Variants in SLC18B1 observed in about 807,000 individuals in gnomAD.
SLC18B1 encodes the protein MFS-type transporter SLC18B1.
A neutral mutation model predicts 53.9 loss-of-function variants in SLC18B1; 62 were observed. The ratio of observed to expected loss-of-function variants is 1.15; its 90% CI spans 0.94 to 1.42. The LOEUF (loss-of-function observed/expected upper bound fraction) is 1.42, where lower values mean the gene tolerates loss of function less well. Ranked by LOEUF, SLC18B1 falls within the 40% of genes most tolerant of loss-of-function variation. SLC18B1 has a pLI of 0.00. For synonymous variants in SLC18B1, 217 were observed against 200.9 expected, an observed-to-expected ratio of 1.08 and a Z score of -0.68; for missense variants, 598 against 547.3, an observed-to-expected ratio of 1.09 and a Z score of -0.93.
rs1236881308 is a variant in SLC18B1, at chr6:132,776,332, C to T, written c.893G>A (p.Arg298Lys). The stretch of plus-strand genomic sequence containing the variant: ...ATATAAATTAAGTGTACGTACTGGC[C>T]TTTTATCACTTAGGAGACCAAATAG... Reference protein sequence around the residue: ...SPLFGLLSDKRPPLRKWLLVF... With the variant: ...SPLFGLLSDKKPPLRKWLLVF... Residue 298 changes from arginine (R) to lysine (K), a missense_variant, in exon 8 of 14, where the codon AGG (arginine) becomes AAG (lysine). Transcript: ENST00000275227. 1 of 1,611,140 alleles carries T rather than the reference C, an allele frequency of 6.2e-7. No homozygotes were observed. Among genetic ancestry groups the T allele is most frequent in the Non-Finnish European group, 8.5e-7 (1 of 1,178,098 alleles).
intron 9 of SLC18B1, 93 bp from the exon 10 acceptor site, chr6:132,773,181 T>C (rs1273258825): frequency 1.7e-5 from 14 of 835,942 alleles, no homozygotes; most frequent in Non-Finnish European, 2.0e-6. Flanking sequence ...TGAGGATCCC[T>C]GATAAGTTAT....
intron 5 of SLC18B1, among the ~76,000 whole-genome samples, chr6:132,785,767 A>C (rs1214459552): frequency 6.6e-6 from 1 of 152,066 alleles, no homozygotes; most frequent in Non-Finnish European, 1.5e-5. Flanking sequence ...CTTGTTTGAA[A>C]AAATAGTTAC....
chr6:132,780,274 A>C (rs1781200424), intron 6 of SLC18B1, among the ~76,000 whole-genome samples: 1 of 151,340 alleles, frequency 6.6e-6, no homozygotes, highest in African/African-American at 2.4e-5. Context: ...CTAATTTAAA[A>C]ATTTTTTAGA....
At chr6:132,780,940 C>G (rs1781220682) in intron 6 of SLC18B1, among the ~76,000 whole-genome samples, 1 of 152,116 alleles carries the variant, frequency 6.6e-6, no homozygotes, top group Admixed American at 6.5e-5. Context: ...ACTACAGAAA[C>G]TGCAGGATGT....
At position 132,779,313 on chromosome 6, in the gene SLC18B1, A is replaced by G; in HGVS notation, c.750T>C (p.Cys250=). The part of the protein sequence containing the change: ...IAFVINSLSS[C]FGFLDPTLSL... The stretch of plus-strand genomic sequence containing the variant: ...ACAGAGTAGGATCGAGGAAGCCAAA[A>G]CACGAGCTGAGTGAGTTGATGACGA... Residue 250 remains cysteine (C), a synonymous_variant, in exon 7 of 14, where the codon TGT becomes TGC. Transcript: ENST00000275227. 1 of 1,614,108 alleles carries G rather than the reference A, an allele frequency of 6.2e-7. No individual in the cohort carries two copies.
intron 8 of SLC18B1, among the ~76,000 whole-genome samples, chr6:132,775,071 G>A (rs1781067102): frequency 6.6e-6 from 1 of 152,170 alleles, no homozygotes; most frequent in Non-Finnish European, 1.5e-5. Context: ...GTATCTGGAG[G>A]TGAGCCTTTG....
At chr6:132,796,889 A>G in intron 2 of SLC18B1, 93 bp downstream of exon 2, 1 of 1,360,352 alleles carries the variant, frequency 7.4e-7, no homozygotes, top group Non-Finnish European at 9.8e-7. Context: ...AGATTTTTAC[A>G]TTTTATATAC....
intron 11 of SLC18B1, among the ~76,000 whole-genome samples, chr6:132,771,600 A>G (rs1457557013): frequency 6.6e-6 from 1 of 152,226 alleles, no homozygotes; most frequent in Non-Finnish European, 1.5e-5. Context: ...GATAAAGTAT[A>G]TGAAACCATT....
At chr6:132,791,835 T>C (rs1362460638) in intron 2 of SLC18B1, among the ~76,000 whole-genome samples, 4 of 152,178 alleles carry the variant, frequency 2.6e-5, no homozygotes, top group Non-Finnish European at 4.4e-5. Flanking sequence ...CAAATGGTTA[T>C]GCTGTATGTC....
At chr6:132,780,600 T>G (rs1182060743) in intron 6 of SLC18B1, among the ~76,000 whole-genome samples, 1 of 137,658 alleles carries the variant, frequency 7.3e-6, no homozygotes, top group East Asian at 2.1e-4. Flanking sequence ...GAGACAGTAG[T>G]TTTTTTTTTG....
intron 5 of SLC18B1, among the ~76,000 whole-genome samples, chr6:132,786,752 G>A (rs550448252): frequency 6.6e-6 from 1 of 152,182 alleles, no homozygotes; most frequent in South Asian, 2.1e-4. Context: ...TATGAAGTGC[G>A]TGGGCCCAGA....
intron 6 of SLC18B1, among the ~76,000 whole-genome samples, chr6:132,781,167 A>AT (rs1781225597): frequency 6.6e-6 from 1 of 152,238 alleles, no homozygotes; most frequent in South Asian, 2.1e-4. Flanking sequence ...TTATTGCACA[A>AT]TAGTCCCTTT....
chr6:132,772,286 A>C (rs1780996285), intron 10 of SLC18B1, 80 bp from the exon 11 acceptor site: 1 of 795,938 alleles, frequency 1.3e-6, no homozygotes, highest in African/African-American at 1.8e-5. Context: ...AGATCAATTA[A>C]GATAAACCAA....
intron 7 of SLC18B1, among the ~76,000 whole-genome samples, chr6:132,777,031 C>A (rs576879612): frequency 6.6e-6 from 1 of 152,004 alleles, no homozygotes; most frequent in African/African-American, 2.4e-5. Context: ...ACAAGCCTGG[C>A]CAACATGAGG....
intron 2 of SLC18B1, among the ~76,000 whole-genome samples, chr6:132,792,296 G>A (rs200092370): frequency 0.3 from 8,501 of 27,942 alleles, 717 homozygotes; most frequent in Middle Eastern, 0.33. Flanking sequence ...AGAAAGGAAG[G>A]AAGGAAGGAA....
chr6:132,787,582 C>T lies in SLC18B1; in HGVS notation c.354-1G>A, dbSNP rs758918674. On this transcript the variant is annotated splice_acceptor_variant, in intron 4 of 13. Transcript: ENST00000275227. LOFTEE classifies it high-confidence loss of function. ...CCCATCTGGAACTCGGTCCAATACA[C>T]TAAAAAGGAATAAGACAATTCTGAA... The T allele has an allele frequency of 9.0e-6, 14 of 1,554,412 alleles. No homozygotes were observed. In the African/African-American group the frequency reaches 2.0e-4, roughly 22 times the overall value.
Position 132,787,510 on chromosome 6 carries a change from A to G in SLC18B1, c.425T>C (p.Val142Ala). The stretch of plus-strand genomic sequence containing the variant: ...TGCAGTCATTGCTGCAGCAAAGCTA[A>G]CTGCATCCATTACTCTCACTAGAAA... ...MCFLVRVMDA[V>A]SFAAAMTASS... Residue 142 changes from valine to alanine, a missense_variant, in exon 5 of 14, where the codon GTT becomes GCT. Val to Ala is a moderately conservative substitution (Grantham distance 64, BLOSUM62 0). Coordinates refer to ENST00000275227, the MANE Select transcript of SLC18B1 (RefSeq NM_052831.3). 6.2e-7 allele frequency: 1 copy of G among 1,610,606 alleles called. No homozygotes were observed. The highest frequency in any genetic ancestry group is 8.5e-7 in the Non-Finnish European group (1 of 1,178,610).
chr6:132,792,110 C>T lies in SLC18B1; in HGVS notation c.184-1838G>A, dbSNP rs1434741935. ...AGGTGTGGTGGCACGTGCCTGTAAT[C>T]CCAGCTACTCAGGAGACTGAGGCAG... On this transcript the variant is annotated intron_variant, in intron 2 of 13. Coordinates refer to ENST00000275227, the MANE Select transcript of SLC18B1 (RefSeq NM_052831.3). Among the ~76,000 whole-genome samples, 18 of 151,116 alleles carry T rather than the reference C, an allele frequency of 1.2e-4. 1 individual carries two copies. The highest frequency in any genetic ancestry group is 1.2e-3 in the Admixed American group (18 of 15,130).
At position 132,784,364 on chromosome 6, in the gene SLC18B1, C is replaced by T. The variant is rs140280050; in HGVS notation, c.502-275G>A. Among the ~76,000 whole-genome samples, 9 of 151,656 alleles carry T rather than the reference C, an allele frequency of 5.9e-5. No individual in the cohort carries two copies. In the East Asian group the frequency reaches 7.7e-4, roughly 13 times the overall value. On this transcript the variant is annotated intron_variant, in intron 5 of 13. Coordinates refer to ENST00000275227, the MANE Select transcript of SLC18B1 (RefSeq NM_052831.3). ...TGACAAATCTGATTACATGAAAATACGAAAACTATGCATAAAAAAATCAAA... is the reference window on the plus strand; with the variant it reads ...TGACAAATCTGATTACATGAAAATATGAAAACTATGCATAAAAAAATCAAA...
Sources: allele counts gnomAD v4.1 joint callset (sites outside exome capture counted in the v4.1 genomes callset), GRCh38; gene constraint gnomAD v4.1.1; transcripts MANE v1.5; gene names NCBI Gene and HGNC (gene_info 2026-07-23, HGNC 2026-07-21).